The following CD1A variants were observed in gnomAD, a reference collection of about 807,000 sequenced individuals.
CD1A encodes the protein CD1a molecule, also known as T-cell surface glycoprotein CD1a.
Under a neutral mutation model 38.3 loss-of-function variants are expected in CD1A, and 50 were observed. The observed-to-expected ratio is 1.30, with a 90% CI of 1.04 to 1.65. CD1A has a LOEUF of 1.65. Ranked by LOEUF, CD1A falls within the 40% of genes most tolerant of loss-of-function variation. The probability of loss-of-function intolerance (pLI) is 0.00; values close to 1 mark genes in which losing one functional copy is unlikely to be tolerated. For synonymous variants in CD1A, 160 were observed against 150.8 expected (o/e 1.06, Z -0.45); for missense variants, 459 against 406.1 (o/e 1.13, Z -1.12).
At chr1:158,256,754 C>T in intron 3 of CD1A, 32 bp from the exon 4 acceptor site, 2 of 1,600,058 alleles carry the variant, frequency 1.2e-6, no homozygotes, top group Middle Eastern at 1.7e-4. Flanking sequence ...AACTCCAAGT[C>T]TGTATTTGAA....
At chr1:158,249,821 C>T (rs866276569), upstream of CD1A, among the ~76,000 whole-genome samples, 3 of 152,186 alleles carry the variant, frequency 2.0e-5, no homozygotes, top group African/African-American at 4.8e-5. Flanking sequence ...TCCATGACTC[C>T]GGCGCATGCA....
the CD1A span, chr1:158,248,370 G>A: frequency 1.0e-6 from 1 of 985,292 alleles, no homozygotes; most frequent in Non-Finnish European, 1.2e-6. Flanking sequence ...CAATGGGGAA[G>A]GAAGAATTTA....
Position 158,255,141 on chromosome 1 carries a change from C to A in CD1A, c.116C>A (p.Ser39Tyr). The A allele has an allele frequency of 6.2e-7, 1 of 1,614,114 alleles. No homozygotes were observed. The highest frequency in any genetic ancestry group is 8.5e-7 in the Non-Finnish European group (1 of 1,180,006). ...TGGATCGCATCCTTTTACAACCATT[C>A]CTGGAAACAAAATCTGGTCTCAGGT... ...VTWIASFYNH[S>Y]WKQNLVSGWL... Residue 39 changes from serine to tyrosine, a missense_variant, in exon 2 of 6, where the codon TCC becomes TAC. By Grantham distance (144) the Ser-to-Tyr change is moderately radical. Coordinates refer to ENST00000289429, the MANE Select transcript of CD1A (RefSeq NM_001763.3).
Position 158,254,744 on chromosome 1 carries a change from C to A in CD1A, c.58+17C>A. On this transcript the variant is annotated intron_variant, in intron 1 of 5. Coordinates refer to ENST00000289429, the MANE Select transcript of CD1A (RefSeq NM_001763.3). ...ATGCAGACGGTAAGAACTCTGACAA[C>A]TGCCCAGTTGGGTGGTGGGTGAAGG... 1 of 1,569,306 alleles carries A rather than the reference C, an allele frequency of 6.4e-7. No homozygotes were observed. The highest frequency in any genetic ancestry group is 8.8e-7 in the Non-Finnish European group (1 of 1,139,626).
rs150885713 is a variant in CD1A at position 158,255,315 on chromosome 1, G to A, written c.290G>A (p.Gly97Glu). The A allele has an allele frequency of 9.0e-5, 146 of 1,614,022 alleles. No homozygotes were observed. The highest frequency in any genetic ancestry group is 1.2e-4 in the Non-Finnish European group (144 of 1,180,016). ...ATACGCACCATTCGGTCATTTGAGG[G>A]AATTCGTAGATACGCCCATGAATTG... Reference protein sequence around the residue: ...FRIRTIRSFEGIRRYAHELQF... With the variant: ...FRIRTIRSFEEIRRYAHELQF... Residue 97 changes from glycine (G) to glutamate (E), a missense_variant, in exon 2 of 6, where the codon GGA (glycine) becomes GAA (glutamate). Coordinates refer to ENST00000289429, the MANE Select transcript of CD1A (RefSeq NM_001763.3).
chr1:158,248,468 A>G, the CD1A span: 1 of 952,456 alleles, frequency 1.0e-6, no homozygotes, highest in Non-Finnish European at 1.3e-6. Context: ...CAATGGTTCA[A>G]GAAAGTGGAT....
rs779894806 is a variant in CD1A at position 158,256,053 on chromosome 1, G to T, written c.375G>T (p.Lys125Asn). ...GAGGCTGTGAGCTGCACTCTGGAAA[G>T]GTCTCAGGAAGCTTCTTGCAGTTAG... ...VTGGCELHSG[K>N]VSGSFLQLAY... Residue 125 changes from lysine (K) to asparagine (N), a missense_variant, in exon 3 of 6, where the codon AAG becomes AAT. By Grantham distance (94) the Lys-to-Asn change is moderately conservative. Coordinates refer to ENST00000289429, the MANE Select transcript of CD1A (RefSeq NM_001763.3). 1 of 1,614,130 alleles carries T rather than the reference G, an allele frequency of 6.2e-7. No homozygotes were observed. The highest frequency in any genetic ancestry group is 8.5e-7 in the Non-Finnish European group (1 of 1,180,016).
In CD1A at chr1:158,257,913, T is replaced by C; in HGVS notation, c.*223T>C. On this transcript the variant is annotated 3_prime_UTR_variant, in exon 6 of 6. Coordinates refer to ENST00000289429, the MANE Select transcript of CD1A (RefSeq NM_001763.3). ...GTTCTGACCTGGGTTCTGGGACTTT[T>C]AAATTCAAATTTTATCTCCAGATGG... 2 of 540,334 alleles carry C rather than the reference T, an allele frequency of 3.7e-6. No homozygotes were observed. Among genetic ancestry groups the C allele is most frequent in the Non-Finnish European group, 6.6e-6 (2 of 304,106 alleles). 33.5% of individuals were successfully genotyped at this position (540,334 alleles called of 1,614,324 possible).
rs778421503 is a variant in CD1A, at chr1:158,256,910, G to A, written c.729G>A (p.Glu243=). 7.4e-6 allele frequency: 12 copies of A among 1,614,100 alleles called. No individual in the cohort carries two copies. Among genetic ancestry groups the A allele is most frequent in the Non-Finnish European group, 1.0e-5 (12 of 1,180,048 alleles). Residue 243 remains glutamate (E), a synonymous_variant, in exon 4 of 6, where the codon GAG becomes GAA. Transcript: ENST00000289429. The part of the protein sequence containing the change: ...VWVMWMRGEQ[E]QQGTQRGDIL... Reference sequence around the variant, plus strand: ...TGATGTGGATGCGGGGTGAGCAGGAGCAGCAGGGCACTCAGCGAGGGGACA... The same window carrying A: ...TGATGTGGATGCGGGGTGAGCAGGAACAGCAGGGCACTCAGCGAGGGGACA...
Position 158,257,737 on chromosome 1 carries a change from G to A in CD1A, c.*47G>A, listed in dbSNP as rs200166008. 1.9e-6 allele frequency: 3 copies of A among 1,588,134 alleles called. No individual in the cohort carries two copies. The highest frequency in any genetic ancestry group is 1.3e-5 in the African/African-American group (1 of 74,472). On this transcript the variant is annotated 3_prime_UTR_variant, in exon 6 of 6. Coordinates refer to ENST00000289429, the MANE Select transcript of CD1A (RefSeq NM_001763.3). ...TCACCCTTCTCCTTTTGGGGTGAGA[G>A]ACCAGCAGCCCAAGGGCTCCAGACA...
At position 158,255,075 on chromosome 1, in the gene CD1A, T is replaced by C. The variant is rs1249512043; in HGVS notation, c.59-9T>C. ...CTTTCTCCCCATTCTATCTGTTCTT[T>C]TGTCGCAGGGCTCAAGGAGCCTCTC... On this transcript the variant is annotated splice_polypyrimidine_tract_variant and intron_variant, in intron 1 of 5. Transcript: ENST00000289429. 6.2e-7 allele frequency: 1 copy of C among 1,612,810 alleles called. No homozygotes were observed. The highest frequency in any genetic ancestry group is 1.1e-5 in the South Asian group (1 of 91,042).
upstream of CD1A, among the ~76,000 whole-genome samples, chr1:158,253,160 A>G (rs2101629183): frequency 6.6e-6 from 1 of 152,306 alleles, no homozygotes; most frequent in Admixed American, 6.5e-5. Context: ...ACCAAAAAAT[A>G]GTAAATAGCC....
At position 158,257,353 on chromosome 1, in the gene CD1A, G is replaced by A. The variant is rs1411776786; in HGVS notation, c.884-68G>A. On this transcript the variant is annotated intron_variant, in intron 4 of 5. Transcript: ENST00000289429. The stretch of plus-strand genomic sequence containing the variant: ...AAAAAAGAAGCCCAGGGAATGCAGT[G>A]AAATAGGGAGTGGATGAGGTAAAAT... 14 of 1,206,880 alleles carry A rather than the reference G, an allele frequency of 1.2e-5. No individual in the cohort carries two copies. The East Asian group carries it at 1.2e-4, about 10-fold the overall frequency. The allele number at this position is 1,206,880 out of a possible 1,614,324, so 74.8% of individuals were successfully genotyped here.
chr1:158,250,862 A>G (rs987495459), upstream of CD1A, among the ~76,000 whole-genome samples: 4 of 152,226 alleles, frequency 2.6e-5, no homozygotes, highest in South Asian at 2.1e-4. Flanking sequence ...TACAGTCCCT[A>G]TATCTCTAAG....
At chr1:158,248,931 G>A in the CD1A span, among the ~76,000 whole-genome samples, 4 of 152,144 alleles carry the variant, frequency 2.6e-5, no homozygotes, top group Admixed American at 2.6e-4. Flanking sequence ...CTGCGTCTCT[G>A]ATAAAGATCA....
chr1:158,249,443 G>C (rs773646315), upstream of CD1A, among the ~76,000 whole-genome samples: 5 of 152,082 alleles, frequency 3.3e-5, no homozygotes, highest in Admixed American at 1.3e-4. Context: ...TCTCTCTTGG[G>C]TCTCTTATAA....
intron 4 of CD1A, 108 bp downstream of exon 4, chr1:158,257,172 G>A: frequency 7.4e-7 from 1 of 1,349,544 alleles, no homozygotes; most frequent in Non-Finnish European, 1.0e-6. Flanking sequence ...GCCCAAACAT[G>A]AATAAAAATA....
upstream of CD1A, among the ~76,000 whole-genome samples, chr1:158,252,111 G>T (rs973865255): frequency 6.6e-6 from 1 of 151,068 alleles, no homozygotes; most frequent in Non-Finnish European, 1.5e-5. Context: ...TTACAGGTGT[G>T]AGCCACCGCA....
At position 158,257,868 on chromosome 1, in the gene CD1A, T is replaced by C; in HGVS notation, c.*178T>C. 1 of 617,780 alleles carries C rather than the reference T, an allele frequency of 1.6e-6. No homozygotes were observed. The allele number at this position is 617,780 out of a possible 1,614,324, so 38.3% of individuals were successfully genotyped here. Reference sequence around the variant, plus strand: ...GATTGTTTGTCAATATAAGCTCAATTTAATTTTGCAGGATTTGTTGTTCTG... The same window carrying C: ...GATTGTTTGTCAATATAAGCTCAATCTAATTTTGCAGGATTTGTTGTTCTG... On this transcript the variant is annotated 3_prime_UTR_variant, in exon 6 of 6. Coordinates refer to ENST00000289429, the MANE Select transcript of CD1A (RefSeq NM_001763.3).
Sources: gnomAD v4.1 joint callset for allele counts (sites outside exome capture counted in the v4.1 genomes callset) on GRCh38, gnomAD v4.1.1 for gene constraint, MANE v1.5 for transcripts, NCBI Gene and HGNC (gene_info 2026-07-23, HGNC 2026-07-21) for gene names.